Variants in RASA1 observed in about 807,000 individuals in gnomAD.
The protein encoded by RASA1 is ras GTPase-activating protein 1.
RASA1 carries 25 observed loss-of-function variants against 132.2 expected under a neutral mutation model. That is an observed-to-expected ratio of 0.19 (90% CI 0.14 to 0.26). The LOEUF is 0.26. RASA1 is among the 10% of genes least tolerant of loss of function. The probability of loss-of-function intolerance (pLI) is 1.00; values close to 1 mark genes in which losing one functional copy is unlikely to be tolerated. For synonymous variants in RASA1, 477 were observed against 449.9 expected (o/e 1.06, Z -0.76); for missense variants, 964 against 1,299.2 (o/e 0.74, Z 3.97).
intron 1 of RASA1, among the ~76,000 whole-genome samples, chr5:87,297,482 A>G (rs1183228629): frequency 6.6e-6 from 1 of 152,186 alleles, no homozygotes; most frequent in Non-Finnish European, 1.5e-5. Flanking sequence ...ATTGTTTCTC[A>G]GTCCCCCACC....
chr5:87,362,477 T>C, intron 9 of RASA1, 74 bp from the exon 10 acceptor site: 1 of 1,457,424 alleles, frequency 6.9e-7, no homozygotes. Context: ...GGCTTTTAAT[T>C]GGTACTTTTA....
At chr5:87,306,789 A>G (rs886587093) in intron 1 of RASA1, among the ~76,000 whole-genome samples, 2 of 151,814 alleles carry the variant, frequency 1.3e-5, no homozygotes, top group African/African-American at 2.4e-5. Flanking sequence ...TTTTTTCTTC[A>G]TACTTTGCTT....
At chr5:87,287,696 T>C (rs62644436) in intron 1 of RASA1, among the ~76,000 whole-genome samples, 27 of 18,820 alleles carry the variant, frequency 1.4e-3, no homozygotes, top group South Asian at 5.7e-3. Flanking sequence ...CATAGATATA[T>C]ACCATATATG....
Position 87,334,822 on chromosome 5 carries a change from T to C in RASA1, c.899+1485T>C, listed in dbSNP as rs116527366. On this transcript the variant is annotated intron_variant, in intron 4 of 24. Coordinates refer to ENST00000274376, the MANE Select transcript of RASA1 (RefSeq NM_002890.3). The stretch of plus-strand genomic sequence containing the variant: ...AAATGGGAAGTATGTATAAAACACT[T>C]CTGCTGTGTACCAGGGATCAGTGTC... Among the ~76,000 whole-genome samples the C allele has an allele frequency of 3.4e-3, 525 of 152,306 alleles. 1 individual carries two copies. The highest frequency in any genetic ancestry group is 4.3e-3 in the Non-Finnish European group (295 of 68,020).
At chr5:87,296,574 C>T (rs1755128351) in intron 1 of RASA1, among the ~76,000 whole-genome samples, 2 of 152,118 alleles carry the variant, frequency 1.3e-5, no homozygotes, top group Admixed American at 1.3e-4. Context: ...GATAGTTTCA[C>T]ATGGTATAAA....
Position 87,338,216 on chromosome 5 carries a change from C to T in RASA1, c.1017+125C>T, listed in dbSNP as rs951249431. On this transcript the variant is annotated intron_variant, in intron 5 of 24. Transcript: ENST00000274376. ...TATAAAAGAACTTAATTGATAAGTA[C>T]AAGAATTATAAGTGCTGTTTGTTAG... 11 of 1,452,420 alleles carry T rather than the reference C, an allele frequency of 7.6e-6. No individual in the cohort carries two copies. In the African/African-American group the frequency reaches 1.2e-4, roughly 15 times the overall value. 90.0% of individuals were successfully genotyped at this position (1,452,420 alleles called of 1,614,324 possible). A position where few individuals can be genotyped will look rare whatever the true frequency, so the allele number is the denominator to read the frequency against.
At chr5:87,320,540 A>G (rs1756711948) in intron 1 of RASA1, among the ~76,000 whole-genome samples, 2 of 152,184 alleles carry the variant, frequency 1.3e-5, no homozygotes, top group Admixed American at 1.3e-4. Flanking sequence ...ACATGGTGAC[A>G]GGAGACAGAG....
At chr5:87,303,084 T>C (rs1184262435) in intron 1 of RASA1, among the ~76,000 whole-genome samples, 3 of 152,180 alleles carry the variant, frequency 2.0e-5, no homozygotes, top group South Asian at 2.1e-4. Context: ...TTTTCATACA[T>C]GTGTGAGTTT....
chr5:87,285,340 T>C (rs1410251707), intron 1 of RASA1, among the ~76,000 whole-genome samples: 1 of 152,052 alleles, frequency 6.6e-6, no homozygotes, highest in Non-Finnish European at 1.5e-5. Flanking sequence ...GTGCTGGGAT[T>C]ACAGGCGTGA....
rs1263728562 is a variant in RASA1 at position 87,285,384 on chromosome 5, A to G, written c.539+16394A>G. On this transcript the variant is annotated intron_variant, in intron 1 of 24. Coordinates refer to ENST00000274376, the MANE Select transcript of RASA1 (RefSeq NM_002890.3). ...GCCTGGCAATGAATGGTACCTTTTAATTAATTTTTGTGGAAATGGTATTAT... is the reference window on the plus strand; with the variant it reads ...GCCTGGCAATGAATGGTACCTTTTAGTTAATTTTTGTGGAAATGGTATTAT... Among the ~76,000 whole-genome samples the G allele has an allele frequency of 2.6e-5, 4 of 151,614 alleles. No homozygotes were observed. In the East Asian group the frequency reaches 5.8e-4, roughly 22 times the overall value.
Position 87,349,352 on chromosome 5 carries a change from G to T in RASA1, c.1241G>T (p.Arg414Leu). The change falls in exon 8 of 25, where the codon CGG becomes CTG. Residue 414 changes from arginine to leucine, a missense_variant. Around this residue, in one of 6 missense-constraint regions of RASA1, gnomAD observed 154 missense variants for 286.5 expected, o/e 0.54. Transcript: ENST00000274376. ...TPNNQFMMGG[R>L]YYNSIGDIID... ...AACAATCAGTTTATGATGGGAGGCC[G>T]GTATTATAACAGGTAAATCATAATT... is the stretch of plus-strand genomic sequence containing the variant. 6 of 1,611,298 alleles carry T rather than the reference G, an allele frequency of 3.7e-6. No homozygotes were observed. Among genetic ancestry groups the T allele is most frequent in the Non-Finnish European group, 5.1e-6 (6 of 1,178,294 alleles).
intron 6 of RASA1, among the ~76,000 whole-genome samples, chr5:87,346,051 A>G (rs561622554): frequency 6.6e-6 from 1 of 152,222 alleles, no homozygotes; most frequent in African/African-American, 2.4e-5. Context: ...GATGCCTTTT[A>G]TAATAATTTC....
intron 1 of RASA1, among the ~76,000 whole-genome samples, chr5:87,285,456 TTAAATA>T (rs1754509262): frequency 6.6e-6 from 1 of 152,116 alleles, no homozygotes; most frequent in Non-Finnish European, 1.5e-5. Flanking sequence ...GAATAAAAGT[TTAAATA>T]TAATAGGAGA....
At position 87,331,511 on chromosome 5, in the gene RASA1, A is replaced by G; in HGVS notation, c.692+11A>G. 1 of 1,613,040 alleles carries G rather than the reference A, an allele frequency of 6.2e-7. No homozygotes were observed. The highest frequency in any genetic ancestry group is 8.5e-7 in the Non-Finnish European group (1 of 1,179,164). On this transcript the variant is annotated intron_variant, in intron 2 of 24. Transcript: ENST00000274376. Reference sequence around the variant, plus strand: ...TGTCAACCATTTTAGGTAAGTCTTTATTCCTATTATGAAGCCAAATGATGT... The same window carrying G: ...TGTCAACCATTTTAGGTAAGTCTTTGTTCCTATTATGAAGCCAAATGATGT...
At chr5:87,296,525 TTGTC>T (rs1274272357) in intron 1 of RASA1, among the ~76,000 whole-genome samples, 4 of 152,230 alleles carry the variant, frequency 2.6e-5, no homozygotes, top group Admixed American at 1.3e-4. Context: ...CAATTTTTGT[TTGTC>T]TGAGAATGTC....
At chr5:87,376,115 A>T in intron 15 of RASA1, 1 of 470,410 alleles carries the variant, frequency 2.1e-6, no homozygotes, top group South Asian at 2.2e-5. Context: ...ACCAGTGCTG[A>T]AACATAATTG....
At chr5:87,333,094 C>A (rs1464258611) in intron 3 of RASA1, among the ~76,000 whole-genome samples, 173 bp from the exon 4 acceptor site, 1 of 151,970 alleles carries the variant, frequency 6.6e-6, no homozygotes, top group Non-Finnish European at 1.5e-5. Context: ...AAAACAGGAA[C>A]AACAAAAAAG....
At position 87,268,546 on chromosome 5, in the gene RASA1, C is replaced by T. The variant is rs1248485806; in HGVS notation, c.95C>T (p.Ala32Val). 32 of 1,601,614 alleles carry T rather than the reference C, an allele frequency of 2.0e-5. No homozygotes were observed. The highest frequency in any genetic ancestry group is 2.6e-5 in the Non-Finnish European group (30 of 1,175,430). The change falls in exon 1 of 25, where the codon GCA becomes GTA. Residue 32 changes from alanine to valine, a missense_variant. Physicochemically the swap from Ala to Val is moderately conservative, Grantham distance 64. Transcript: ENST00000274376. ...GCAGCGGGCTCCAGTGCCTATCCCG[C>T]AGTGTGTCGGGTGAAGATACCCGCG... Reference protein sequence around the residue: ...GAAAGSSAYPAVCRVKIPAAL... With the variant: ...GAAAGSSAYPVVCRVKIPAAL...
At chr5:87,324,916 C>T (rs888942893) in intron 1 of RASA1, among the ~76,000 whole-genome samples, 2 of 151,946 alleles carry the variant, frequency 1.3e-5, no homozygotes, top group African/African-American at 4.8e-5. Flanking sequence ...TCTTTACTTT[C>T]CTCTTCACTT....
Sources: gnomAD v4.1 joint callset for allele counts (sites outside exome capture counted in the v4.1 genomes callset) on GRCh38, gnomAD v4.1.1 for gene constraint, gnomAD v4.1.1 regional missense constraint, MANE v1.5 for transcripts, NCBI Gene and HGNC (gene_info 2026-07-23, HGNC 2026-07-21) for gene names.